Variants in DDX51 observed in about 807,000 individuals in gnomAD.
The protein encoded by DDX51 is DEAD-box helicase 51, also known as ATP-dependent RNA helicase DDX51.
A neutral mutation model predicts 74.6 loss-of-function variants in DDX51; 67 were observed. That is an observed-to-expected ratio of 0.90 (90% CI 0.74 to 1.10). The LOEUF is 1.10. Ranked by LOEUF, DDX51 falls within the 50% of genes least tolerant of loss-of-function variation. DDX51 has a pLI of 0.00. For missense variants in DDX51, 1,056 were observed against 905.2 expected (o/e 1.17, Z -2.14); for synonymous variants, 545 against 402.9 (o/e 1.35, Z -4.22).
At chr12:132,143,483 G>A (rs1014015725) in intron 2 of DDX51, 20 of 648,620 alleles carry the variant, frequency 3.1e-5, no homozygotes, top group Non-Finnish European at 4.8e-5. Flanking sequence ...GCGGCGCGGC[G>A]GGAGGACAGG....
At position 132,137,460 on chromosome 12, in the gene DDX51, C is replaced by T. The variant is rs936196558; in HGVS notation, c.*1812G>A. 2.6e-5 allele frequency: 4 copies of T among 152,244 alleles called. No individual in the cohort carries two copies. Among genetic ancestry groups the T allele is most frequent in the Non-Finnish European group, 1.5e-5 (1 of 68,054 alleles). The allele number at this position is 152,244 out of a possible 1,614,324, so 9.4% of individuals were successfully genotyped here. ...TGGGGACTGGCTTTACCCCGTCTACCTAAATCATTTCTTTCTGCCTCCTGT... is the reference window on the plus strand; with the variant it reads ...TGGGGACTGGCTTTACCCCGTCTACTTAAATCATTTCTTTCTGCCTCCTGT... On this transcript the variant is annotated 3_prime_UTR_variant, in exon 15 of 15. Transcript: ENST00000397333.
At chr12:132,139,348 G>A (rs1433814711) in intron 14 of DDX51, 50 bp from the exon 15 acceptor site, 21 of 1,595,254 alleles carry the variant, frequency 1.3e-5, no homozygotes, top group South Asian at 3.4e-5. Flanking sequence ...TCCCCTCATC[G>A]TCTGTGGGGC....
Position 132,141,554 on chromosome 12 carries a change from G to T in DDX51, c.1048C>A (p.Leu350Met). 1.9e-6 allele frequency: 3 copies of T among 1,604,622 alleles called. No homozygotes were observed. The highest frequency in any genetic ancestry group is 2.2e-5 in the South Asian group (2 of 90,754). Residue 350 changes from leucine to methionine, a missense_variant, in exon 7 of 15, where the codon CTG becomes ATG. Coordinates refer to ENST00000397333, the MANE Select transcript of DDX51 (RefSeq NM_175066.4). ...ADIVVATPGRLVDHIDQTPGF... is the reference protein window; with the variant it reads ...ADIVVATPGRMVDHIDQTPGF... Reference sequence around the variant, plus strand: ...GGGGTCTGGTCGATGTGGTCCACCAGGCGGCCGGGGGTGGCTACCACGATG... The same window carrying T: ...GGGGTCTGGTCGATGTGGTCCACCATGCGGCCGGGGGTGGCTACCACGATG...
rs1169237503 is a variant in DDX51 at position 132,141,815 on chromosome 12, AC to A, written c.995+34del. On this transcript the variant is annotated intron_variant, in intron 6 of 14. Coordinates refer to ENST00000397333, the MANE Select transcript of DDX51 (RefSeq NM_175066.4). ...AGGCCACCTGCAGGGCTGAGCAGGG[AC>A]CCCCTGAAAAACCCGCACCCTGACA... 1.9e-6 allele frequency: 3 copies of A among 1,604,870 alleles called. No individual in the cohort carries two copies. The African/African-American group carries it at 4.0e-5, about 22-fold the overall frequency.
intron 14 of DDX51, 151 bp downstream of exon 14, chr12:132,139,484 C>A (rs1257582064): frequency 1.3e-6 from 2 of 1,555,644 alleles, no homozygotes; most frequent in Non-Finnish European, 1.8e-6. Flanking sequence ...GGGCTCCCCG[C>A]CCTTGGGCCA....
chr12:132,140,953 T>C lies in DDX51; in HGVS notation c.1318A>G (p.Lys440Glu). The change falls in exon 9 of 15, where the codon AAG becomes GAG. Residue 440 changes from lysine to glutamate, a missense_variant. Coordinates refer to ENST00000397333, the MANE Select transcript of DDX51 (RefSeq NM_175066.4). ...FSATLTQNPE[K>E]LQQLGLHQPR... The stretch of plus-strand genomic sequence containing the variant: ...TGGTGGAGGCCCAGCTGCTGCAGCT[T>C]TTCAGGGTTCTGGGTCAGAGTAGCT... 1 of 1,613,134 alleles carries C rather than the reference T, an allele frequency of 6.2e-7. No homozygotes were observed.
rs764024934 is a variant in DDX51 at position 132,140,456 on chromosome 12, A to T, written c.1640T>A (p.Ile547Asn). The stretch of plus-strand genomic sequence containing the variant: ...CTTCCCCTGTTCAAACTGCTTCAGG[A>T]TCATCCTCCTCTGGCCAGGCCCGTA... ...SRYGPGQRRMILKQFEQGKIQ... is the reference protein window; with the variant it reads ...SRYGPGQRRMNLKQFEQGKIQ... The change falls in exon 11 of 15, where the codon ATC (isoleucine) becomes AAC (asparagine). Residue 547 changes from isoleucine (I) to asparagine (N), a missense_variant. Transcript: ENST00000397333. 9.9e-6 allele frequency: 16 copies of T among 1,613,104 alleles called. No homozygotes were observed. In the Admixed American group the frequency reaches 1.5e-4, roughly 15 times the overall value.
At position 132,140,496 on chromosome 12, in the gene DDX51, C is replaced by T. The variant is rs781055906; in HGVS notation, c.1600G>A (p.Glu534Lys). ...VQAFGGVDVAEFSSRYGPGQR... is the reference protein window; with the variant it reads ...VQAFGGVDVAKFSSRYGPGQR... ...CCAGGCCCGTAGCGCGAGGAGAACT[C>T]AGCCACGTCCACACCCCCAAAAGCT... The change falls in exon 11 of 15, where the codon GAG (glutamate) becomes AAG (lysine). Residue 534 changes from glutamate (E) to lysine (K), a missense_variant. Physicochemically the swap from Glu to Lys is moderately conservative, Grantham distance 56. Coordinates refer to ENST00000397333, the MANE Select transcript of DDX51 (RefSeq NM_175066.4). The T allele has an allele frequency of 8.1e-6, 13 of 1,613,058 alleles. No homozygotes were observed. Among genetic ancestry groups the T allele is most frequent in the Non-Finnish European group, 1.1e-5 (13 of 1,180,038 alleles).
In DDX51 at chr12:132,143,841, C is replaced by A. The variant is rs750530823; in HGVS notation, c.373G>T (p.Ala125Ser). 1.3e-6 allele frequency: 2 copies of A among 1,499,014 alleles called. No homozygotes were observed. The highest frequency in any genetic ancestry group is 2.0e-5 in the Admixed American group (1 of 50,280). The allele number at this position is 1,499,014 out of a possible 1,614,324, so 92.9% of individuals were successfully genotyped here. Residue 125 changes from alanine (A) to serine (S), a missense_variant, in exon 2 of 15, where the codon GCA becomes TCA. Ala to Ser is a moderately conservative substitution (Grantham distance 99). Coordinates refer to ENST00000397333, the MANE Select transcript of DDX51 (RefSeq NM_175066.4). ...CCCGGCGCCTCCTCGCTGCTCCCTGCGCTGGGCTCCCCTGGCGCCTCCTCG... is the reference window on the plus strand; with the variant it reads ...CCCGGCGCCTCCTCGCTGCTCCCTGAGCTGGGCTCCCCTGGCGCCTCCTCG... ...SSEEAPGEPS[A>S]GSSEEAPGER...
Position 132,137,321 on chromosome 12 carries a change from TG to T in DDX51, c.*1950del, listed in dbSNP as rs1390850228. On this transcript the variant is annotated 3_prime_UTR_variant, in exon 15 of 15. Coordinates refer to ENST00000397333, the MANE Select transcript of DDX51 (RefSeq NM_175066.4). ...ACTCCTGTGCCCGAGCTGTCTCATC[TG>T]TGATTCACAGTCTGCTCTTTCTGGC... 6.6e-6 allele frequency: 1 copy of T among 152,024 alleles called. No individual in the cohort carries two copies. Among genetic ancestry groups the T allele is most frequent in the African/African-American group, 2.4e-5 (1 of 41,442 alleles). The allele number at this position is 152,024 out of a possible 1,614,324, so 9.4% of individuals were successfully genotyped here. A position where few individuals can be genotyped will look rare whatever the true frequency, so the allele number is the denominator to read the frequency against.
intron 1 of DDX51, 21 bp from the exon 2 acceptor site, chr12:132,143,930 C>A (rs1215541591): frequency 6.6e-7 from 1 of 1,510,760 alleles, no homozygotes; most frequent in Non-Finnish European, 8.8e-7. Context: ...GACACCCACC[C>A]GGCAGCGCGT....
intron 11 of DDX51, 41 bp downstream of exon 11, chr12:132,140,382 C>G (rs570692946): frequency 6.2e-7 from 1 of 1,600,470 alleles, no homozygotes; most frequent in Non-Finnish European, 8.6e-7. Flanking sequence ...GGAGTGGGCA[C>G]CCCCACCCCA....
In DDX51 at chr12:132,139,706, A is replaced by G; in HGVS notation, c.1903T>C (p.Ser635Pro). 1 of 1,613,006 alleles carries G rather than the reference A, an allele frequency of 6.2e-7. No homozygotes were observed. Among genetic ancestry groups the G allele is most frequent in the South Asian group, 1.1e-5 (1 of 91,080 alleles). The change falls in exon 14 of 15, where the codon TCC (serine) becomes CCC (proline). Residue 635 changes from serine (S) to proline (P), a missense_variant. Ser to Pro is a moderately conservative substitution (Grantham distance 74, BLOSUM62 -1). Coordinates refer to ENST00000397333, the MANE Select transcript of DDX51 (RefSeq NM_175066.4). Reference sequence around the variant, plus strand: ...ACCAGCGGCTGCAGCAGCTTGCTGGAGAGCTCGTGCCGCTGCAACTCAGGT... The same window carrying G: ...ACCAGCGGCTGCAGCAGCTTGCTGGGGAGCTCGTGCCGCTGCAACTCAGGT... ...GAPELQRHEL[S>P]SKLLQPLVPR...
rs1019628379 is a variant in DDX51 at position 132,143,899 on chromosome 12, C to G, written c.315G>C (p.Glu105Asp). 5.3e-6 allele frequency: 8 copies of G among 1,518,822 alleles called. No homozygotes were observed. The highest frequency in any genetic ancestry group is 1.5e-5 in the African/African-American group (1 of 68,888). The allele number at this position is 1,518,822 out of a possible 1,614,324, so 94.1% of individuals were successfully genotyped here. ...CTGCGCTGGGCTCCCCTGGCGCCTC[C>G]TCGTTGCTTTCTGCGAGGCAGACAC... ...DGEDAGAESN[E>D]EAPGEPSAGS... is the part of the protein sequence containing the mutation. The change falls in exon 2 of 15, where the codon GAG becomes GAC. Residue 105 changes from glutamate (E) to aspartate (D), a missense_variant. Transcript: ENST00000397333.
chr12:132,140,344 A>G, intron 11 of DDX51, 79 bp downstream of exon 11: 1 of 1,578,838 alleles, frequency 6.3e-7, no homozygotes, highest in African/African-American at 1.4e-5. Context: ...AGAAGGAAGC[A>G]CCTTTTAGAG....
chr12:132,141,184 G>A (rs1897443988), intron 8 of DDX51, 91 bp downstream of exon 8: 3 of 1,509,586 alleles, frequency 2.0e-6, no homozygotes, highest in East Asian at 2.3e-5. Flanking sequence ...CAGAGCTCAA[G>A]CCACCCTTAT....
rs759773692 is a variant in DDX51, at chr12:132,140,549, G to A, written c.1557-10C>T. 2.9e-5 allele frequency: 46 copies of A among 1,612,964 alleles called. No individual in the cohort carries two copies. Among genetic ancestry groups the A allele is most frequent in the Non-Finnish European group, 3.6e-5 (43 of 1,180,002 alleles). Reference sequence around the variant, plus strand: ...CACCAGCAGGAAGAGCCTAGGCAGAGAGAAGGCTGCGGCCAAGTGATGCTG... The same window carrying A: ...CACCAGCAGGAAGAGCCTAGGCAGAAAGAAGGCTGCGGCCAAGTGATGCTG... On this transcript the variant is annotated splice_polypyrimidine_tract_variant and intron_variant, in intron 10 of 14. Coordinates refer to ENST00000397333, the MANE Select transcript of DDX51 (RefSeq NM_175066.4).
At chr12:132,143,576 G>C in intron 2 of DDX51, 119 bp downstream of exon 2, 2 of 1,335,062 alleles carry the variant, frequency 1.5e-6, no homozygotes, top group Non-Finnish European at 1.0e-6. Flanking sequence ...CTGGCAGCGA[G>C]GCGCGGCTGT....
At chr12:132,139,967 T>A in intron 12 of DDX51, 43 bp from the exon 13 acceptor site, 1 of 1,612,332 alleles carries the variant, frequency 6.2e-7, no homozygotes, top group East Asian at 2.2e-5. Flanking sequence ...CCCTGAGCCT[T>A]CAAGAGTCTG....
Sources: allele counts gnomAD v4.1 joint callset, GRCh38; gene constraint gnomAD v4.1.1; transcripts MANE v1.5; gene names NCBI Gene and HGNC (gene_info 2026-07-23, HGNC 2026-07-21).